SLC4A5: variants seen among roughly 807,000 people sequenced by gnomAD.
SLC4A5 encodes the protein solute carrier family 4 member 5, also known as electrogenic sodium bicarbonate cotransporter 4.
A neutral mutation model predicts 120.4 loss-of-function variants in SLC4A5; 96 were observed. That is an observed-to-expected ratio of 0.80 (90% CI 0.68 to 0.94). The LOEUF (loss-of-function observed/expected upper bound fraction) is 0.94, where lower values mean the gene tolerates loss of function less well. Among genes scored for constraint, SLC4A5 ranks in the 40% least tolerant of loss-of-function variants. The probability of loss-of-function intolerance (pLI) is 0.00; values close to 1 mark genes in which losing one functional copy is unlikely to be tolerated. For synonymous variants in SLC4A5, 550 were observed against 571.1 expected (o/e 0.96, Z 0.53); for missense variants, 1,259 against 1,459.5 (o/e 0.86, Z 2.24).
chr2:74,227,432 T>C, intron 26 of SLC4A5: 1 of 1,513,426 alleles, frequency 6.6e-7, no homozygotes, highest in Non-Finnish European at 8.9e-7. Context: ...TTCTGGGATT[T>C]CACAGTAAAT....
intron 30 of SLC4A5, among the ~76,000 whole-genome samples, chr2:74,220,815 T>C (rs1694615352): frequency 1.4e-5 from 2 of 139,054 alleles, no homozygotes; most frequent in Admixed American, 7.3e-5. Flanking sequence ...CGCGCCTGGC[T>C]TCTGTTTTCT....
At chr2:74,223,026 A>G (rs1694710891) in intron 28 of SLC4A5, 74 bp from the exon 29 acceptor site, 21 of 998,628 alleles carry the variant, frequency 2.1e-5, no homozygotes, top group South Asian at 9.7e-5. Flanking sequence ...TTTTTTTGAG[A>G]CAGAGTCTCG....
chr2:74,265,199 G>A, exon 9 of SLC4A5: 1 of 1,614,256 alleles, frequency 6.2e-7, no homozygotes, highest in Non-Finnish European at 8.5e-7. Flanking sequence ...CAGGGATAGT[G>A]TGGACACGTG....
intron 19 of SLC4A5, among the ~76,000 whole-genome samples, chr2:74,243,596 G>A (rs569169128): frequency 6.6e-6 from 1 of 152,332 alleles, no homozygotes; most frequent in Non-Finnish European, 1.5e-5. Context: ...GGGCAGGAAG[G>A]CTGGCTCAGG....
At chr2:74,283,939 G>T (rs1389595036) in intron 8 of SLC4A5, among the ~76,000 whole-genome samples, 1 of 151,360 alleles carries the variant, frequency 6.6e-6, no homozygotes, top group Non-Finnish European at 1.5e-5. Flanking sequence ...CCCTGGCTCA[G>T]GTGATCTCCC....
chr2:74,326,591 C>A (rs13425553), intron 5 of SLC4A5, among the ~76,000 whole-genome samples: 2 of 152,104 alleles, frequency 1.3e-5, no homozygotes, highest in South Asian at 2.1e-4. Flanking sequence ...GAGGACGAGG[C>A]GGGCAGATCA....
chr2:74,280,050 C>T (rs1410138244), intron 8 of SLC4A5, among the ~76,000 whole-genome samples: 3 of 152,178 alleles, frequency 2.0e-5, no homozygotes, highest in Non-Finnish European at 2.9e-5. Flanking sequence ...CCTTTTCCCA[C>T]CTAGAACCCT....
At chr2:74,341,220 G>A (rs1406144502) in intron 2 of SLC4A5, among the ~76,000 whole-genome samples, 4 of 149,982 alleles carry the variant, frequency 2.7e-5, no homozygotes, top group African/African-American at 7.4e-5. Flanking sequence ...CAGGAGAATC[G>A]CTTGAACTCA....
At chr2:74,223,198 G>T (rs1413356319) in intron 28 of SLC4A5, among the ~76,000 whole-genome samples, 3 of 152,076 alleles carry the variant, frequency 2.0e-5, no homozygotes, top group African/African-American at 7.2e-5. Flanking sequence ...TAGAGATGGG[G>T]TTTCACCATG....
chr2:74,311,090 G>A (rs1672792045), intron 6 of SLC4A5, among the ~76,000 whole-genome samples: 1 of 151,950 alleles, frequency 6.6e-6, no homozygotes, highest in Non-Finnish European at 1.5e-5. Context: ...CAAATTTGTA[G>A]GCACAGAGTT....
chr2:74,225,773 A>G (rs745380791), intron 27 of SLC4A5, among the ~76,000 whole-genome samples: 1 of 152,284 alleles, frequency 6.6e-6, no homozygotes, highest in South Asian at 2.1e-4. Flanking sequence ...CAAAACTCAT[A>G]GACCCACACA....
intron 8 of SLC4A5, among the ~76,000 whole-genome samples, chr2:74,275,520 G>A (rs2104105591): frequency 6.6e-6 from 1 of 152,224 alleles, no homozygotes; most frequent in Middle Eastern, 3.4e-3. Flanking sequence ...CCTCTCAGGA[G>A]AGGCCCTCTC....
intron 21 of SLC4A5, among the ~76,000 whole-genome samples, chr2:74,235,841 A>G (rs1013947979): frequency 1.3e-5 from 2 of 152,092 alleles, no homozygotes; most frequent in African/African-American, 4.8e-5. Context: ...CTTCCTGCCC[A>G]TTCTGAATCA....
In SLC4A5 at chr2:74,233,560, T is replaced by A; in HGVS notation, c.2437A>T (p.Thr813Ser). 1.9e-6 allele frequency: 3 copies of A among 1,611,518 alleles called. No individual in the cohort carries two copies. Among genetic ancestry groups the A allele is most frequent in the Non-Finnish European group, 2.5e-6 (3 of 1,178,690 alleles). Residue 813 changes from threonine (T) to serine (S), a missense_variant, in exon 23 of 31, where the codon ACG (threonine) becomes TCG (serine). Transcript: ENST00000394019. ...ACGAACCAGCCTCGGTCAGGCCGCG[T>A]TGGCTGAGTGGGAGCAAACAGAGAG... is the stretch of plus-strand genomic sequence containing the variant.
intron 21 of SLC4A5, among the ~76,000 whole-genome samples, chr2:74,236,807 A>T (rs1384928396): frequency 3.3e-5 from 5 of 152,096 alleles, no homozygotes; most frequent in African/African-American, 1.2e-4. Flanking sequence ...CTAATCAGAG[A>T]GTGTCAGTTG....
At chr2:74,220,780 T>C (rs891135899) in intron 30 of SLC4A5, among the ~76,000 whole-genome samples, 2 of 150,356 alleles carry the variant, frequency 1.3e-5, no homozygotes, top group East Asian at 2.0e-4. Context: ...CCTCCCAAAG[T>C]GCTGGGACTA....
At chr2:74,238,107 T>A (rs1016568133) in intron 21 of SLC4A5, among the ~76,000 whole-genome samples, 9 of 151,694 alleles carry the variant, frequency 5.9e-5, no homozygotes, top group South Asian at 2.1e-4. Context: ...GTCTCAAAAA[T>A]AATAATAATA....
chr2:74,270,051 A>G (rs1671424732), intron 8 of SLC4A5, among the ~76,000 whole-genome samples: 1 of 152,212 alleles, frequency 6.6e-6, no homozygotes. Flanking sequence ...CTGCATAAAC[A>G]CTAAATTACT....
At chr2:74,241,741 C>CA (rs367922236) in intron 20 of SLC4A5, among the ~76,000 whole-genome samples, 45,962 of 97,070 alleles carry the variant, frequency 0.47, 8,734 homozygotes, top group Middle Eastern at 0.56. Context: ...GACCCTGTCT[C>CA]AAAAAAAAAA....
Sources: allele counts gnomAD v4.1 joint callset (sites outside exome capture counted in the v4.1 genomes callset), GRCh38; gene constraint gnomAD v4.1.1; transcripts MANE v1.5; gene names NCBI Gene and HGNC (gene_info 2026-07-23, HGNC 2026-07-21).